PRKCZ: variants seen among roughly 807,000 people sequenced by gnomAD.
PRKCZ encodes the protein protein kinase C zeta.
Under a neutral mutation model 79.5 loss-of-function variants are expected in PRKCZ, and 33 were observed. That is an observed-to-expected ratio of 0.41 (90% CI 0.31 to 0.55). PRKCZ has a LOEUF of 0.55. PRKCZ is among the 20% of genes least tolerant of loss of function. PRKCZ has a pLI of 0.19. For synonymous variants in PRKCZ, 342 were observed against 320.9 expected, an observed-to-expected ratio of 1.07 and a Z score of -0.70; for missense variants, 578 against 813.5, an observed-to-expected ratio of 0.71 and a Z score of 3.52.
chr1:2,134,356 T>G (rs981617896), intron 4 of PRKCZ, among the ~76,000 whole-genome samples: 3 of 152,258 alleles, frequency 2.0e-5, no homozygotes, highest in African/African-American at 7.2e-5. Context: ...TTTGTGGCAC[T>G]TTCATTTGGT....
At chr1:2,156,171 G>C (rs1004310712) in intron 10 of PRKCZ, 79 bp downstream of exon 10, 43 of 1,338,862 alleles carry the variant, frequency 3.2e-5, no homozygotes, top group Non-Finnish European at 4.1e-5. Flanking sequence ...GGTGTGATGT[G>C]TCAACTGTCA....
intron 4 of PRKCZ, among the ~76,000 whole-genome samples, chr1:2,076,303 G>GA (rs1662411181): frequency 1.3e-5 from 2 of 152,216 alleles, no homozygotes; most frequent in South Asian, 4.1e-4. Context: ...ATGGCAGGGG[G>GA]AAGTGGAACG....
At chr1:2,170,955 G>T (rs1475242889) in intron 11 of PRKCZ, among the ~76,000 whole-genome samples, 2 of 152,242 alleles carry the variant, frequency 1.3e-5, no homozygotes, top group East Asian at 3.8e-4. Flanking sequence ...CTGTGAACAT[G>T]GGTGTGAAGT....
rs993639356 is a variant in PRKCZ, at chr1:2,153,828, C to T, written c.877-2167C>T. 3.9e-5 allele frequency among the ~76,000 whole-genome samples: 6 copies of T among 152,276 alleles called. No individual in the cohort carries two copies. The South Asian group carries it at 6.2e-4, about 16-fold the overall frequency. On this transcript the variant is annotated intron_variant, in intron 9 of 17. Transcript: ENST00000378567. ...AGGTGGGGACTCTGGGGTTGTCTTT[C>T]GAGAAGAGCCTGATTGCAGGAGTTG...
chr1:2,152,129 G>A (rs1037339439), intron 9 of PRKCZ, among the ~76,000 whole-genome samples: 12 of 152,306 alleles, frequency 7.9e-5, no homozygotes, highest in African/African-American at 2.2e-4. Flanking sequence ...GGGATTACAG[G>A]CATGAGTCAC....
chr1:2,169,686 G>C, intron 11 of PRKCZ, 82 bp downstream of exon 11: 1 of 1,101,244 alleles, frequency 9.1e-7, no homozygotes, highest in South Asian at 1.7e-5. Flanking sequence ...GGGCTGGGTG[G>C]GTGCGCACAG....
intron 16 of PRKCZ, among the ~76,000 whole-genome samples, chr1:2,179,039 C>T (rs551240004): frequency 9.2e-5 from 14 of 152,334 alleles, no homozygotes; most frequent in African/African-American, 3.4e-4. Context: ...CTGCTTTCCT[C>T]CTGGAGCCTG....
At chr1:2,157,287 A>G (rs1681254505) in intron 10 of PRKCZ, among the ~76,000 whole-genome samples, 1 of 152,204 alleles carries the variant, frequency 6.6e-6, no homozygotes, top group Admixed American at 6.5e-5. Context: ...ATGTACAGCC[A>G]GCTACTAGGG....
At chr1:2,113,278 G>A (rs1670112550) in intron 4 of PRKCZ, among the ~76,000 whole-genome samples, 1 of 152,200 alleles carries the variant, frequency 6.6e-6, no homozygotes, top group African/African-American at 2.4e-5. Context: ...CCTCCCCACT[G>A]GTCTCGCCTT....
Position 2,059,539 on chromosome 1 carries a change from A to C in PRKCZ, c.284-2A>C. The C allele has an allele frequency of 6.2e-7, 1 of 1,614,094 alleles. No homozygotes were observed. The highest frequency in any genetic ancestry group is 1.1e-5 in the South Asian group (1 of 91,080). On this transcript the variant is annotated splice_acceptor_variant, in intron 3 of 17. Coordinates refer to ENST00000378567, the MANE Select transcript of PRKCZ (RefSeq NM_002744.6). LOFTEE classifies it high-confidence loss of function. ...CGCTGTCTCTTTCTCTCTCTTGTCC[A>C]GTTTTCCCGAGCACCCCTGAGCAGC...
intron 4 of PRKCZ, among the ~76,000 whole-genome samples, chr1:2,114,607 C>G (rs1670371967): frequency 2.0e-5 from 3 of 152,124 alleles, no homozygotes; most frequent in South Asian, 4.1e-4. Context: ...AATCCAGTCT[C>G]TACTAAAAAT....
intron 16 of PRKCZ, chr1:2,182,015 G>T: frequency 2.7e-6 from 1 of 368,976 alleles, no homozygotes; most frequent in Non-Finnish European, 5.5e-6. Flanking sequence ...TGCTGCCTGT[G>T]GCCCAGCTTT....
intron 4 of PRKCZ, among the ~76,000 whole-genome samples, chr1:2,105,860 C>T (rs1184795127): frequency 5.9e-5 from 9 of 152,188 alleles, no homozygotes; most frequent in Admixed American, 4.6e-4. Context: ...TTGTCATCGT[C>T]GGATGAGAAT....
intron 10 of PRKCZ, among the ~76,000 whole-genome samples, chr1:2,162,384 G>A (rs1164461732): frequency 6.6e-6 from 1 of 152,194 alleles, no homozygotes; most frequent in Non-Finnish European, 1.5e-5. Flanking sequence ...CACCTGCCTG[G>A]GCCTCCCAAA....
rs3753245 is a variant in PRKCZ at position 2,166,639 on chromosome 1, C to A, written c.975-2879C>A. On this transcript the variant is annotated intron_variant, in intron 10 of 17. Coordinates refer to ENST00000378567, the MANE Select transcript of PRKCZ (RefSeq NM_002744.6). The stretch of plus-strand genomic sequence containing the variant: ...CCCCCTCCCCCAGGCCACGACATGG[C>A]GAGTGTGGCTACCAGGACACGGAGG... Among the ~76,000 whole-genome samples, 197 of 151,186 alleles carry A rather than the reference C, an allele frequency of 1.3e-3. 2 individuals carry two copies. The East Asian group carries it at 0.034, about 26-fold the overall frequency.
intron 9 of PRKCZ, among the ~76,000 whole-genome samples, chr1:2,155,531 CAATGGT>C (rs200352844): frequency 5.3e-4 from 70 of 132,590 alleles, no homozygotes; most frequent in East Asian, 1.8e-3. Context: ...TAGATGGTGC[CAATGGT>C]GATGGTGGTG....
intron 16 of PRKCZ, chr1:2,182,346 A>T (rs569888307): frequency 6.2e-6 from 1 of 160,950 alleles, no homozygotes; most frequent in African/African-American, 2.4e-5. Context: ...GCCGATGCCT[A>T]TACAGGCAGA....
chr1:2,141,763 C>T, intron 5 of PRKCZ: 1 of 186,924 alleles, frequency 5.3e-6, no homozygotes. Context: ...ACATTAGGCA[C>T]ATTATACCAA....
At position 2,168,736 on chromosome 1, in the gene PRKCZ, G is replaced by A; in HGVS notation, c.975-782G>A. 5.6e-6 allele frequency: 1 copy of A among 178,048 alleles called. No homozygotes were observed. The highest frequency in any genetic ancestry group is 1.1e-4 in the South Asian group (1 of 9,028). 11.0% of individuals were successfully genotyped at this position (178,048 alleles called of 1,614,324 possible). On this transcript the variant is annotated intron_variant, in intron 10 of 17. Coordinates refer to ENST00000378567, the MANE Select transcript of PRKCZ (RefSeq NM_002744.6). This position sits in a 1 kb window ranked among gnomAD's most constrained non-coding sequence, Gnocchi z 4.7. ...TCCTTCACTCCCCGCTCCACGAGGG[G>A]CAGCCAGGAGCAGCCACCAGTCGGA... is the stretch of plus-strand genomic sequence containing the variant.
Sources: gnomAD v4.1 joint callset for allele counts (sites outside exome capture counted in the v4.1 genomes callset) on GRCh38, gnomAD v4.1.1 for gene constraint, Gnocchi (gnomAD v3.1) non-coding constraint, MANE v1.5 for transcripts, NCBI Gene and HGNC (gene_info 2026-07-23, HGNC 2026-07-21) for gene names.